Variants in GABBR2 observed in about 807,000 individuals in gnomAD.
GABBR2 encodes the protein G-protein coupled receptor 51.
A neutral mutation model predicts 105.6 loss-of-function variants in GABBR2; 23 were observed. That is an observed-to-expected ratio of 0.22 (90% CI 0.16 to 0.31). The LOEUF (loss-of-function observed/expected upper bound fraction) is 0.31. GABBR2 is among the 10% of genes least tolerant of loss of function. GABBR2 has a pLI of 1.00. For synonymous variants in GABBR2, 478 were observed against 499.7 expected (o/e 0.96, Z 0.58); for missense variants, 734 against 1,245.5 (o/e 0.59, Z 6.18).
intron 3 of GABBR2, among the ~76,000 whole-genome samples, chr9:98,538,177 A>G (rs576677642): frequency 6.6e-6 from 1 of 152,354 alleles, no homozygotes; most frequent in East Asian, 1.9e-4. Flanking sequence ...CAGTACCTGC[A>G]AGGTAGGATA....
chr9:98,650,003 G>T (rs1830083628), intron 1 of GABBR2, among the ~76,000 whole-genome samples: 2 of 152,194 alleles, frequency 1.3e-5, no homozygotes, highest in Admixed American at 6.5e-5. Flanking sequence ...TTCAGTGAGA[G>T]CTATAAAGAG....
At chr9:98,567,612 A>C (rs6478761) in intron 2 of GABBR2, among the ~76,000 whole-genome samples, 54,914 of 152,058 alleles carry the variant, frequency 0.36, 10,462 homozygotes, top group South Asian at 0.49. Context: ...TCACCACCTG[A>C]GATCTTAGTG....
At chr9:98,424,347 T>C (rs1832836197) in intron 7 of GABBR2, among the ~76,000 whole-genome samples, 2 of 151,502 alleles carry the variant, frequency 1.3e-5, no homozygotes, top group Non-Finnish European at 3.0e-5. Context: ...TAATAAGAGC[T>C]ATCTATGACA....
At chr9:98,589,900 G>C (rs1829123904) in intron 1 of GABBR2, among the ~76,000 whole-genome samples, 1 of 151,982 alleles carries the variant, frequency 6.6e-6, no homozygotes, top group South Asian at 2.1e-4. Context: ...ATTTTTTGTA[G>C]AGACATGTCT....
Position 98,436,378 on chromosome 9 carries a change from T to C in GABBR2, c.1236+17603A>G, listed in dbSNP as rs1347519739. 9.6e-4 allele frequency among the ~76,000 whole-genome samples: 54 copies of C among 56,032 alleles called. 5 individuals carry two copies. Among genetic ancestry groups the C allele is most frequent in the South Asian group, 2.8e-3 (4 of 1,428 alleles). 36.8% of individuals were successfully genotyped at this position (56,032 alleles called of 152,430 possible). A position where few individuals can be genotyped will look rare whatever the true frequency, so the allele number is the denominator to read the frequency against. On this transcript the variant is annotated intron_variant, in intron 7 of 18. Transcript: ENST00000259455. Reference sequence around the variant, plus strand: ...ATATATATATATATATATATATATATATATATATATATATATATATATATA... The same window carrying C: ...ATATATATATATATATATATATATACATATATATATATATATATATATATA...
intron 13 of GABBR2, among the ~76,000 whole-genome samples, chr9:98,337,799 G>A (rs1314528717): frequency 6.6e-6 from 1 of 152,180 alleles, no homozygotes; most frequent in African/African-American, 2.4e-5. Context: ...AGCACTTTGG[G>A]AGGCTGAGGT....
At position 98,633,877 on chromosome 9, in the gene GABBR2, C is replaced by T. The variant is rs7859016; in HGVS notation, c.322-55805G>A. Among the ~76,000 whole-genome samples, 246 of 152,218 alleles carry T rather than the reference C, an allele frequency of 1.6e-3. 2 individuals are homozygous for T. Among genetic ancestry groups the T allele is most frequent in the African/African-American group, 5.4e-3 (224 of 41,538 alleles). ...CAGGAGTGGTTCTGCCTTTGTGTCC[C>T]CACTCAGCTCAGTGCCGGTTGGGAG... On this transcript the variant is annotated intron_variant, in intron 1 of 18. Transcript: ENST00000259455.
intron 3 of GABBR2, among the ~76,000 whole-genome samples, chr9:98,506,065 G>T (rs1827504289): frequency 6.6e-6 from 1 of 152,130 alleles, no homozygotes; most frequent in African/African-American, 2.4e-5. Flanking sequence ...CCATTTGTCT[G>T]TCCCAAAGAT....
At chr9:98,481,873 C>CTCAT (rs1564087013) in intron 4 of GABBR2, among the ~76,000 whole-genome samples, 1 of 152,250 alleles carries the variant, frequency 6.6e-6, no homozygotes, top group African/African-American at 2.4e-5. Flanking sequence ...ACCCCTGTGA[C>CTCAT]TCATTCATTC....
intron 3 of GABBR2, among the ~76,000 whole-genome samples, chr9:98,508,281 G>A (rs1827554757): frequency 6.6e-6 from 1 of 152,192 alleles, no homozygotes; most frequent in African/African-American, 2.4e-5. Context: ...TCCCTGGGGA[G>A]GAGGAGCCAA....
intron 1 of GABBR2, among the ~76,000 whole-genome samples, chr9:98,674,130 T>C (rs1266547835): frequency 6.6e-6 from 1 of 152,170 alleles, no homozygotes; most frequent in African/African-American, 2.4e-5. Flanking sequence ...AAACTTCCCT[T>C]GGCAGTTCTC....
chr9:98,448,059 G>A (rs555740416), intron 7 of GABBR2, among the ~76,000 whole-genome samples: 11 of 151,958 alleles, frequency 7.2e-5, no homozygotes, highest in South Asian at 4.2e-4. Flanking sequence ...TGAACCTAAG[G>A]GTGCCAGCCT....
At chr9:98,545,241 C>A (rs1828377134) in intron 2 of GABBR2, among the ~76,000 whole-genome samples, 1 of 152,172 alleles carries the variant, frequency 6.6e-6, no homozygotes, top group South Asian at 2.1e-4. Context: ...ATTGGGTTTA[C>A]AATAGGCTTG....
chr9:98,411,957 T>C (rs1016027856), intron 7 of GABBR2, among the ~76,000 whole-genome samples: 2 of 152,222 alleles, frequency 1.3e-5, no homozygotes, highest in African/African-American at 4.8e-5. Context: ...TAGAAGCCAG[T>C]AGGATTTAAC....
intron 7 of GABBR2, among the ~76,000 whole-genome samples, chr9:98,433,501 C>G (rs1825847735): frequency 6.6e-6 from 1 of 152,178 alleles, no homozygotes. Flanking sequence ...TTCAAGCTAG[C>G]CTCTACCTTA....
chr9:98,653,994 C>T (rs1419443599), intron 1 of GABBR2, among the ~76,000 whole-genome samples: 3 of 152,196 alleles, frequency 2.0e-5, no homozygotes, highest in South Asian at 2.1e-4. Context: ...AAGTGACTTG[C>T]TCAATGTCAC....
At chr9:98,422,082 C>G (rs1832791522) in intron 7 of GABBR2, among the ~76,000 whole-genome samples, 1 of 152,080 alleles carries the variant, frequency 6.6e-6, no homozygotes, top group African/African-American at 2.4e-5. Context: ...GGTCTTAACA[C>G]CCAGATTATC....
chr9:98,414,284 T>G (rs1016699928), intron 7 of GABBR2, among the ~76,000 whole-genome samples: 7 of 152,198 alleles, frequency 4.6e-5, no homozygotes, highest in African/African-American at 1.7e-4. Context: ...AGGAGCTGGC[T>G]GAGCCGAGAG....
chr9:98,400,085 G>A (rs369458502), intron 8 of GABBR2, among the ~76,000 whole-genome samples: 58 of 151,136 alleles, frequency 3.8e-4, no homozygotes, highest in African/African-American at 1.4e-3. Context: ...TTGGGAGGCT[G>A]AGGAAGGAGG....
Sources: allele counts gnomAD v4.1 joint callset (sites outside exome capture counted in the v4.1 genomes callset), GRCh38; gene constraint gnomAD v4.1.1; transcripts MANE v1.5; gene names NCBI Gene and HGNC (gene_info 2026-07-23, HGNC 2026-07-21).